The following GARS1 variants were observed in gnomAD, a reference collection of about 807,000 sequenced individuals.
The protein encoded by GARS1 is glycine--tRNA ligase.
Under a neutral mutation model 86.4 loss-of-function variants are expected in GARS1, and 46 were observed. That is an observed-to-expected ratio of 0.53 (90% CI 0.42 to 0.68). The LOEUF (loss-of-function observed/expected upper bound fraction) is 0.68. Among genes scored for constraint, GARS1 ranks in the 30% least tolerant of loss-of-function variants. The probability of loss-of-function intolerance (pLI) is 0.00; values close to 1 mark genes in which losing one functional copy is unlikely to be tolerated. For synonymous variants in GARS1, 342 were observed against 329.8 expected (o/e 1.04, Z -0.40); for missense variants, 797 against 915.6 (o/e 0.87, Z 1.67).
chr7:30,606,909 T>G (rs1262716633), intron 6 of GARS1, among the ~76,000 whole-genome samples: 1 of 152,212 alleles, frequency 6.6e-6, no homozygotes, highest in East Asian at 1.9e-4. Context: ...GTTTTTACTA[T>G]ATTAATCTTA....
At chr7:30,611,556 C>T (rs1353931032) in intron 7 of GARS1, among the ~76,000 whole-genome samples, 1 of 152,222 alleles carries the variant, frequency 6.6e-6, no homozygotes, top group Non-Finnish European at 1.5e-5. Flanking sequence ...GTGATCTCGG[C>T]TCACTGCAAC....
intron 6 of GARS1, among the ~76,000 whole-genome samples, chr7:30,608,883 G>A (rs1791535466): frequency 6.6e-6 from 1 of 152,064 alleles, no homozygotes; most frequent in South Asian, 2.1e-4. Flanking sequence ...AGTTATTATG[G>A]CCATTAATTG....
chr7:30,627,226 T>C, intron 13 of GARS1: 1 of 351,990 alleles, frequency 2.8e-6, no homozygotes, highest in South Asian at 2.3e-5. Context: ...TGGCTTGTCT[T>C]GTAGCCAGGC....
Position 30,633,932 on chromosome 7 carries a change from C to A in GARS1, c.*72C>A. The stretch of plus-strand genomic sequence containing the variant: ...AAAAACTACTCTTATGTCCACTTTA[C>A]AAAAGAAAACAGCATTGTGATTACT... On this transcript the variant is annotated 3_prime_UTR_variant, in exon 17 of 17. Coordinates refer to ENST00000389266, the MANE Select transcript of GARS1 (RefSeq NM_002047.4). 2 of 1,549,804 alleles carry A rather than the reference C, an allele frequency of 1.3e-6. No homozygotes were observed. The highest frequency in any genetic ancestry group is 1.8e-6 in the Non-Finnish European group (2 of 1,138,360).
intron 8 of GARS1, among the ~76,000 whole-genome samples, chr7:30,613,199 A>C (rs1782806762): frequency 6.6e-6 from 1 of 152,142 alleles, no homozygotes; most frequent in East Asian, 1.9e-4. Flanking sequence ...TGTTCTGCGC[A>C]AACTGTATCT....
At chr7:30,613,921 A>T (rs910676747) in intron 8 of GARS1, among the ~76,000 whole-genome samples, 1 of 151,974 alleles carries the variant, frequency 6.6e-6, no homozygotes, top group Admixed American at 6.6e-5. Context: ...GTTAGTTTAG[A>T]GGTATTAGAT....
Position 30,630,643 on chromosome 7 carries a change from TG to T in GARS1, c.1810-802del, listed in dbSNP as rs575481622. ...CTCCTGCTTCAGCCTCCCAAGTAGC[TG>T]GGACCACAGGTGCGCCTCACAATGC... On this transcript the variant is annotated intron_variant, in intron 14 of 16. Transcript: ENST00000389266. Among the ~76,000 whole-genome samples the T allele has an allele frequency of 9.9e-5, 15 of 151,902 alleles. No homozygotes were observed. The East Asian group carries it at 2.9e-3, about 29-fold the overall frequency.
Position 30,612,265 on chromosome 7 carries a change from T to TA in GARS1, c.1031+21dup. 1 of 1,610,418 alleles carries TA rather than the reference T, an allele frequency of 6.2e-7. No individual in the cohort carries two copies. The highest frequency in any genetic ancestry group is 8.5e-7 in the Non-Finnish European group (1 of 1,176,612). ...AGTCAGGTACTGCTCAGGTTACTCTTACAAATTAGTGAATGACCTTGGCAT... is the reference window on the plus strand; with the variant it reads ...AGTCAGGTACTGCTCAGGTTACTCTTAACAAATTAGTGAATGACCTTGGCAT... On this transcript the variant is annotated intron_variant, in intron 8 of 16. Transcript: ENST00000389266.
intron 8 of GARS1, among the ~76,000 whole-genome samples, chr7:30,613,741 C>A (rs1782824639): frequency 6.6e-6 from 1 of 152,106 alleles, no homozygotes; most frequent in Admixed American, 6.5e-5. Flanking sequence ...TTGTTATGTC[C>A]CTTGCAAGTT....
chr7:30,596,058 T>G (rs573733501), intron 1 of GARS1: 1 of 366,192 alleles, frequency 2.7e-6, no homozygotes, highest in African/African-American at 2.1e-5. Context: ...ATGATTCCCA[T>G]ATGCAATTAG....
rs888805042 is a variant in GARS1, at chr7:30,600,040, A to C, written c.418A>C (p.Ile140Leu). 3 of 1,609,826 alleles carry C rather than the reference A, an allele frequency of 1.9e-6. No individual in the cohort carries two copies. Among genetic ancestry groups the C allele is most frequent in the Non-Finnish European group, 2.6e-6 (3 of 1,176,094 alleles). The change falls in exon 3 of 17, where the codon ATT (isoleucine) becomes CTT (leucine). Residue 140 changes from isoleucine (I) to leucine (L), a missense_variant. By Grantham distance (5) the Ile-to-Leu change is conservative. This residue lies in a region of GARS1 where 598 missense variants were observed against 738.7 expected (regional missense o/e 0.81). Coordinates refer to ENST00000389266, the MANE Select transcript of GARS1 (RefSeq NM_002047.4). Reference sequence around the variant, plus strand: ...GTTTTTCTATGATCAAGCTTTTGCTATTTATGGAGGTAAGGGATTAATGAC... The same window carrying C: ...GTTTTTCTATGATCAAGCTTTTGCTCTTTATGGAGGTAAGGGATTAATGAC... Reference protein sequence around the residue: ...RRFFYDQAFAIYGGVSGLYDF... With the variant: ...RRFFYDQAFALYGGVSGLYDF...
rs564357625 is a variant in GARS1 at position 30,612,334 on chromosome 7, C to T, written c.1031+89C>T. On this transcript the variant is annotated intron_variant, in intron 8 of 16. Coordinates refer to ENST00000389266, the MANE Select transcript of GARS1 (RefSeq NM_002047.4). ...TTGCTGTTTTGAAGCAATTCTGCTT[C>T]ATAATCCTGATTATGAATTTATTTT... 780 of 1,167,010 alleles carry T rather than the reference C, an allele frequency of 6.7e-4. 13 individuals are homozygous for T. The South Asian group carries it at 8.2e-3, about 12-fold the overall frequency. The allele number at this position is 1,167,010 out of a possible 1,614,324, so 72.3% of individuals were successfully genotyped here. A position where few individuals can be genotyped will look rare whatever the true frequency, so the allele number is the denominator to read the frequency against.
At chr7:30,622,078 ATC>A (rs1783022934) in intron 11 of GARS1, 5 of 532,738 alleles carry the variant, frequency 9.4e-6, no homozygotes, top group Admixed American at 3.1e-5. Flanking sequence ...ATTAGATAAT[ATC>A]TCTTTTTTCT....
chr7:30,600,441 A>G (rs1791349260), intron 3 of GARS1, among the ~76,000 whole-genome samples: 2 of 152,200 alleles, frequency 1.3e-5, no homozygotes, highest in African/African-American at 4.8e-5. Flanking sequence ...ATTATTCTTT[A>G]TGGTCATCTG....
chr7:30,607,703 G>A (rs1027432252), intron 6 of GARS1, among the ~76,000 whole-genome samples: 1 of 152,046 alleles, frequency 6.6e-6, no homozygotes, highest in Non-Finnish European at 1.5e-5. Context: ...TAATAAAAAA[G>A]TTAAAATTTG....
chr7:30,597,892 T>G (rs962590362), intron 1 of GARS1, among the ~76,000 whole-genome samples: 2 of 152,222 alleles, frequency 1.3e-5, no homozygotes, highest in Admixed American at 6.5e-5. Flanking sequence ...TCATCCTATA[T>G]AGGTAATATT....
intron 9 of GARS1, among the ~76,000 whole-genome samples, chr7:30,616,489 C>T (rs1584038768): frequency 1.3e-5 from 2 of 152,236 alleles, no homozygotes; most frequent in Admixed American, 6.5e-5. Context: ...GAAGTGAGTG[C>T]GTGAAAACTT....
intron 11 of GARS1, chr7:30,622,092 A>T (rs1658388186): frequency 5.4e-6 from 3 of 559,804 alleles, no homozygotes; most frequent in Admixed American, 5.9e-5. Context: ...CTTTTTTCTC[A>T]CTGTAACTGG....
intron 6 of GARS1, among the ~76,000 whole-genome samples, chr7:30,607,906 A>T (rs990840996): frequency 1.3e-5 from 2 of 152,182 alleles, no homozygotes; most frequent in African/African-American, 4.8e-5. Context: ...AGATATTTGT[A>T]TGCCCTCCTT....
Sources: allele counts gnomAD v4.1 joint callset (sites outside exome capture counted in the v4.1 genomes callset), GRCh38; gene constraint gnomAD v4.1.1; regional missense constraint gnomAD v4.1.1; transcripts MANE v1.5; gene names NCBI Gene and HGNC (gene_info 2026-07-23, HGNC 2026-07-21).